BCAS3: variants seen among roughly 807,000 people sequenced by gnomAD.
BCAS3 encodes the protein BCAS4/BCAS3 fusion.
BCAS3 carries 53 observed loss-of-function variants against 116.1 expected under a neutral mutation model. That is an observed-to-expected ratio of 0.46 (90% confidence interval 0.37 to 0.57). The LOEUF is 0.57. Among genes scored for constraint, BCAS3 ranks in the 20% least tolerant of loss-of-function variants. BCAS3 has a pLI of 0.00. For synonymous variants in BCAS3, 391 were observed against 408.2 expected (o/e 0.96, Z 0.51); for missense variants, 917 against 1,165.4 (o/e 0.79, Z 3.10).
chr17:61,286,552 AG>A lies in BCAS3; in HGVS notation c.2426-81774del, dbSNP rs2144686375. Among the ~76,000 whole-genome samples the A allele has an allele frequency of 6.6e-6, 1 of 152,160 alleles. No individual in the cohort carries two copies. The highest frequency in any genetic ancestry group is 1.9e-4 in the East Asian group (1 of 5,184). On this transcript the variant is annotated intron_variant, in intron 22 of 23. Coordinates refer to ENST00000407086, the MANE Select transcript of BCAS3 (RefSeq NM_017679.5). The surrounding 1 kb of genome is among the most constrained non-coding windows in gnomAD (Gnocchi z 4.8). Reference sequence around the variant, plus strand: ...GCTGCTGCTTGGTGCACGACCAAAAAGTAACATGTCAGAATAGGGATTTTCA... The same window carrying A: ...GCTGCTGCTTGGTGCACGACCAAAAATAACATGTCAGAATAGGGATTTTCA...
At chr17:60,706,428 G>T (rs1465804108) in intron 4 of BCAS3, among the ~76,000 whole-genome samples, 1 of 151,894 alleles carries the variant, frequency 6.6e-6, no homozygotes, top group Non-Finnish European at 1.5e-5. Context: ...TATATTCGAA[G>T]AATACAGTAT....
intron 7 of BCAS3, among the ~76,000 whole-genome samples, chr17:60,809,057 G>T (rs558182300): frequency 6.6e-6 from 1 of 152,234 alleles, no homozygotes; most frequent in Admixed American, 6.5e-5. Context: ...GCTGAGGCAG[G>T]CAGATCACTT....
intron 22 of BCAS3, among the ~76,000 whole-genome samples, chr17:61,165,504 T>C (rs1211923622): frequency 6.6e-6 from 1 of 152,160 alleles, no homozygotes; most frequent in Non-Finnish European, 1.5e-5. Flanking sequence ...CTGACCAACA[T>C]GGAGAAACCC....
chr17:61,034,259 C>T lies in BCAS3; in HGVS notation c.1638-407C>T, dbSNP rs2066857199. On this transcript the variant is annotated intron_variant, in intron 16 of 23. Transcript: ENST00000407086. This position sits in a 1 kb window ranked among gnomAD's most constrained non-coding sequence, Gnocchi z 5.0. ...ATTGGTGCAAAGGCAGTGGCAAAAA[C>T]CACAATTACTTTTGCATCAACCTAA... Among the ~76,000 whole-genome samples the T allele has an allele frequency of 6.6e-6, 1 of 152,160 alleles. No homozygotes were observed. The highest frequency in any genetic ancestry group is 6.6e-5 in the Admixed American group (1 of 15,266).
intron 6 of BCAS3, among the ~76,000 whole-genome samples, chr17:60,768,061 T>C (rs1460863272): frequency 6.6e-6 from 1 of 152,184 alleles, no homozygotes; most frequent in Non-Finnish European, 1.5e-5. Flanking sequence ...CCTTCCAAAG[T>C]GCTGAGATGA....
chr17:60,931,750 C>G (rs147260944), intron 13 of BCAS3, among the ~76,000 whole-genome samples: 101 of 152,220 alleles, frequency 6.6e-4, no homozygotes, highest in African/African-American at 2.2e-3. Context: ...GTTTCCTCAT[C>G]AATAAAATGG....
In BCAS3 at chr17:60,695,108, G is replaced by A. The variant is rs2035406954; in HGVS notation, c.214+5347G>A. Among the ~76,000 whole-genome samples the A allele has an allele frequency of 8.8e-5, 13 of 148,388 alleles. No individual in the cohort carries two copies. The South Asian group carries it at 2.5e-3, about 29-fold the overall frequency. On this transcript the variant is annotated intron_variant, in intron 4 of 23. Transcript: ENST00000407086. ...AAGGCTGAATCATGCTTCATTGTAT[G>A]TATATACCACATTTTTTTTTTTTTT...
intron 22 of BCAS3, among the ~76,000 whole-genome samples, chr17:61,293,203 T>C (rs2052597807): frequency 6.6e-6 from 1 of 152,198 alleles, no homozygotes; most frequent in Non-Finnish European, 1.5e-5. Flanking sequence ...TGGCCCCAAC[T>C]TCATTTGGGA....
At chr17:61,283,791 T>C (rs1409797425) in intron 22 of BCAS3, among the ~76,000 whole-genome samples, 2 of 151,884 alleles carry the variant, frequency 1.3e-5, no homozygotes, top group Non-Finnish European at 2.9e-5. Flanking sequence ...AGAGACAGGG[T>C]TTTGCTCTGT....
At chr17:60,979,239 C>G (rs997964450) in intron 14 of BCAS3, among the ~76,000 whole-genome samples, 2 of 150,280 alleles carry the variant, frequency 1.3e-5, no homozygotes, top group African/African-American at 4.9e-5. Context: ...AGTTGTATTC[C>G]TAGGTATTTT....
At chr17:60,902,780 C>T in intron 11 of BCAS3, 77 bp downstream of exon 11, 5 of 1,192,296 alleles carry the variant, frequency 4.2e-6, no homozygotes, top group Non-Finnish European at 6.2e-6. Context: ...ATTATATTTT[C>T]TATTGTAATG....
chr17:61,003,376 TCCC>T, intron 15 of BCAS3, among the ~76,000 whole-genome samples: 2 of 109,234 alleles, frequency 1.8e-5, no homozygotes, highest in African/African-American at 9.9e-5. Context: ...TATTATGCCC[TCCC>T]CTCCCCTCCC....
rs1041770302 is a variant in BCAS3, at chr17:60,700,103, G to A, written c.215-9116G>A. Among the ~76,000 whole-genome samples the A allele has an allele frequency of 4.6e-5, 7 of 151,870 alleles. No homozygotes were observed. In the East Asian group the frequency reaches 9.6e-4, roughly 21 times the overall value. Reference sequence around the variant, plus strand: ...GCAAGAGGATTCCTCGAGCCCAGGAGGTTGAGGCTGTAGTGAGTCATGTTT... The same window carrying A: ...GCAAGAGGATTCCTCGAGCCCAGGAAGTTGAGGCTGTAGTGAGTCATGTTT... On this transcript the variant is annotated intron_variant, in intron 4 of 23. Coordinates refer to ENST00000407086, the MANE Select transcript of BCAS3 (RefSeq NM_017679.5).
At chr17:60,686,938 T>C (rs1209479654) in intron 3 of BCAS3, among the ~76,000 whole-genome samples, 1 of 152,186 alleles carries the variant, frequency 6.6e-6, no homozygotes, top group Non-Finnish European at 1.5e-5. Context: ...AGCTTAAATG[T>C]CAATTAATAA....
At chr17:60,922,695 A>G (rs540141916) in intron 12 of BCAS3, among the ~76,000 whole-genome samples, 5 of 152,226 alleles carry the variant, frequency 3.3e-5, no homozygotes, top group African/African-American at 4.8e-5. Context: ...GATAGAACAG[A>G]TGCTTGGCCA....
chr17:61,184,180 A>G (rs917537573), intron 22 of BCAS3, among the ~76,000 whole-genome samples: 1 of 152,176 alleles, frequency 6.6e-6, no homozygotes, highest in Admixed American at 6.5e-5. Flanking sequence ...AAATTTCAGT[A>G]TTCACTAATT....
rs925516859 is a variant in BCAS3, at chr17:60,882,011, G to A, written c.661+7273G>A. 1.1e-4 allele frequency among the ~76,000 whole-genome samples: 17 copies of A among 148,936 alleles called. No homozygotes were observed. In the East Asian group the frequency reaches 1.4e-3, roughly 12 times the overall value. On this transcript the variant is annotated intron_variant, in intron 9 of 23. Transcript: ENST00000407086. ...TCTAGTTCTAGATCCCTGAGGAATC[G>A]CCACACTGACTTCCACAATGGATGA... is the stretch of plus-strand genomic sequence containing the variant.
intron 14 of BCAS3, among the ~76,000 whole-genome samples, chr17:60,979,385 A>G (rs545567362): frequency 6.0e-5 from 9 of 149,162 alleles, no homozygotes; most frequent in Admixed American, 5.9e-4. Flanking sequence ...GTTGCTTATC[A>G]GCTTAAGGAG....
At chr17:61,024,626 C>T (rs2066101936) in intron 16 of BCAS3, among the ~76,000 whole-genome samples, 1 of 150,130 alleles carries the variant, frequency 6.7e-6, no homozygotes, top group Admixed American at 6.6e-5. Flanking sequence ...ATGTTACTGC[C>T]TGGAAAGGAA....
Sources: gnomAD v4.1 joint callset for allele counts (sites outside exome capture counted in the v4.1 genomes callset) on GRCh38, gnomAD v4.1.1 for gene constraint, Gnocchi (gnomAD v3.1) non-coding constraint, MANE v1.5 for transcripts, NCBI Gene and HGNC (gene_info 2026-07-23, HGNC 2026-07-21) for gene names.